Variants in SLC4A10 observed in about 807,000 individuals in gnomAD.
The protein encoded by SLC4A10 is sodium-driven chloride bicarbonate exchanger.
A neutral mutation model predicts 137.7 loss-of-function variants in SLC4A10; 42 were observed. That is an observed-to-expected ratio of 0.30 (90% CI 0.24 to 0.39). The LOEUF (loss-of-function observed/expected upper bound fraction) is 0.39, where lower values mean the gene tolerates loss of function less well. Ranked by LOEUF, SLC4A10 falls within the 10% of genes least tolerant of loss-of-function variation. SLC4A10 has a pLI of 1.00. For missense variants in SLC4A10, 925 were observed against 1,355.0 expected, an observed-to-expected ratio of 0.68 and a Z score of 4.98; for synonymous variants, 474 against 464.1, an observed-to-expected ratio of 1.02 and a Z score of -0.27.
At chr2:161,737,026 AT>A (rs891098178) in intron 1 of SLC4A10, among the ~76,000 whole-genome samples, 93 of 146,154 alleles carry the variant, frequency 6.4e-4, no homozygotes, top group East Asian at 2.8e-3. Flanking sequence ...ATGCCCAGTG[AT>A]TTTTTTTTTT....
chr2:161,846,682 GT>G (rs1198172252), intron 4 of SLC4A10, among the ~76,000 whole-genome samples: 1 of 152,156 alleles, frequency 6.6e-6, no homozygotes, highest in Non-Finnish European at 1.5e-5. Flanking sequence ...TAACTTGAAT[GT>G]ATATCAAGGG....
chr2:161,732,675 G>C (rs1327270494), intron 1 of SLC4A10, among the ~76,000 whole-genome samples: 1 of 152,200 alleles, frequency 6.6e-6, no homozygotes, highest in Non-Finnish European at 1.5e-5. Flanking sequence ...TTGGAACTGG[G>C]TAATAGGTAG....
At chr2:161,897,557 A>G (rs182590952) in intron 11 of SLC4A10, among the ~76,000 whole-genome samples, 55 of 152,282 alleles carry the variant, frequency 3.6e-4, no homozygotes, top group East Asian at 3.3e-3. Flanking sequence ...TAAAGAAACT[A>G]TATGGATACC....
Position 161,900,951 on chromosome 2 carries a change from C to T in SLC4A10, c.1382C>T (p.Ala461Val), listed in dbSNP as rs1469984993. 1.9e-6 allele frequency: 3 copies of T among 1,567,468 alleles called. No individual in the cohort carries two copies. The highest frequency in any genetic ancestry group is 2.6e-6 in the Non-Finnish European group (3 of 1,155,472). The change falls in exon 12 of 27, where the codon GCT becomes GTT. Residue 461 changes from alanine (A) to valine (V), a missense_variant. By Grantham distance (64) the Ala-to-Val change is moderately conservative (BLOSUM62 0). This residue lies in a region of SLC4A10 where 61 missense variants were observed against 59.0 expected (regional missense o/e 1.03). Transcript: ENST00000446997. ...CCTGCTGTACCAAATGGAACAGCAGCTCATGGGGAAGCAGAGCCCCACGGA... is the reference window on the plus strand; with the variant it reads ...CCTGCTGTACCAAATGGAACAGCAGTTCATGGGGAAGCAGAGCCCCACGGA... ...KIPAVPNGTA[A>V]HGEAEPHGGH... is the part of the protein sequence containing the mutation.
intron 1 of SLC4A10, among the ~76,000 whole-genome samples, chr2:161,703,392 T>C (rs2043322393): frequency 6.6e-6 from 1 of 151,694 alleles, no homozygotes; most frequent in Non-Finnish European, 1.5e-5. Context: ...AATGTTAATA[T>C]AATACTTGGT....
chr2:161,715,530 GT>G (rs2044760494), intron 1 of SLC4A10, among the ~76,000 whole-genome samples: 1 of 152,116 alleles, frequency 6.6e-6, no homozygotes, highest in South Asian at 2.1e-4. Context: ...CCCAGTGTGT[GT>G]TTTTCCCCTG....
At chr2:161,973,392 C>T (rs9808497) in intron 23 of SLC4A10, among the ~76,000 whole-genome samples, 123,331 of 152,140 alleles carry the variant, frequency 0.81, 50,182 homozygotes, top group East Asian at 0.97. Flanking sequence ...CCAGAATTTT[C>T]CAGTATGGTG....
At chr2:161,735,582 G>A (rs2125211402) in intron 1 of SLC4A10, among the ~76,000 whole-genome samples, 1 of 152,218 alleles carries the variant, frequency 6.6e-6, no homozygotes, top group Admixed American at 6.5e-5. Flanking sequence ...TGGCATCCAG[G>A]ACAGCTATGA....
chr2:161,738,436 C>T (rs976258579), intron 1 of SLC4A10, among the ~76,000 whole-genome samples: 28 of 152,154 alleles, frequency 1.8e-4, no homozygotes, highest in Admixed American at 1.5e-3. Context: ...GAAAATGTTG[C>T]TCAGAAAATG....
At chr2:161,834,823 T>G (rs2058662902) in intron 3 of SLC4A10, among the ~76,000 whole-genome samples, 1 of 152,134 alleles carries the variant, frequency 6.6e-6, no homozygotes, top group African/African-American at 2.4e-5. Flanking sequence ...CAGATTGGAC[T>G]GACTGTCCCC....
Position 161,657,233 on chromosome 2 carries a change from T to C in SLC4A10, c.48+32667T>C, listed in dbSNP as rs188546605. On this transcript the variant is annotated intron_variant, in intron 1 of 26. Transcript: ENST00000446997. The stretch of plus-strand genomic sequence containing the variant: ...CAAGCTTATTCTCTGAATTTCAGTT[T>C]ATCTATCTGAAAAATAGAGATATAA... Among the ~76,000 whole-genome samples, 13 of 152,200 alleles carry C rather than the reference T, an allele frequency of 8.5e-5. No individual in the cohort carries two copies. In the East Asian group the frequency reaches 2.3e-3, roughly 27 times the overall value.
In SLC4A10 at chr2:161,864,775, A is replaced by G. The variant is rs184113346; in HGVS notation, c.766+1713A>G. 5.8e-3 allele frequency among the ~76,000 whole-genome samples: 877 copies of G among 152,258 alleles called. 17 individuals carry two copies. The highest frequency in any genetic ancestry group is 0.043 in the South Asian group (209 of 4,816). ...TATTCTAAATCACAATTTGCTTTAA[A>G]ATATGTGATACATAAGATAACAAAA... On this transcript the variant is annotated intron_variant, in intron 6 of 26. Transcript: ENST00000446997.
intron 6 of SLC4A10, among the ~76,000 whole-genome samples, chr2:161,866,736 C>T (rs1299981021): frequency 1.3e-5 from 2 of 151,582 alleles, no homozygotes; most frequent in African/African-American, 4.8e-5. Flanking sequence ...AAAAATAAAA[C>T]TTTTAAGGGA....
intron 1 of SLC4A10, among the ~76,000 whole-genome samples, chr2:161,659,707 A>G (rs1451087927): frequency 6.6e-6 from 1 of 152,206 alleles, no homozygotes; most frequent in Non-Finnish European, 1.5e-5. Flanking sequence ...CCTGTAGAAG[A>G]ATGTTCATAA....
At chr2:161,817,878 T>A (rs2057241192) in intron 3 of SLC4A10, among the ~76,000 whole-genome samples, 1 of 151,912 alleles carries the variant, frequency 6.6e-6, no homozygotes, top group South Asian at 2.1e-4. Context: ...TTTTGGTTAC[T>A]GTAGCCTTGT....
At chr2:161,737,608 C>T (rs2047478336) in intron 1 of SLC4A10, among the ~76,000 whole-genome samples, 1 of 152,070 alleles carries the variant, frequency 6.6e-6, no homozygotes, top group South Asian at 2.1e-4. Context: ...GGGCCTAATT[C>T]AGGAGCCCTC....
chr2:161,788,495 G>T (rs1036714521), intron 2 of SLC4A10, among the ~76,000 whole-genome samples: 2 of 152,150 alleles, frequency 1.3e-5, no homozygotes, highest in Middle Eastern at 3.4e-3. Flanking sequence ...ACTGGTCTTG[G>T]TGGTAGGGGC....
In SLC4A10 at chr2:161,793,740, CAGGA is replaced by C. The variant is rs2054461977; in HGVS notation, c.131-10706_131-10703del. ...ATAAGCTTTTGTCTGGTCTCTGGGG[CAGGA>C]AGATTATGAATATTCTTTTGTGCCA... is the stretch of plus-strand genomic sequence containing the variant. On this transcript the variant is annotated intron_variant, in intron 2 of 26. Coordinates refer to ENST00000446997, the MANE Select transcript of SLC4A10 (RefSeq NM_001178015.2). Among the ~76,000 whole-genome samples, 3 of 152,144 alleles carry C rather than the reference CAGGA, an allele frequency of 2.0e-5. No individual in the cohort carries two copies. The South Asian group carries it at 6.2e-4, about 32-fold the overall frequency.
intron 15 of SLC4A10, among the ~76,000 whole-genome samples, chr2:161,914,580 A>G (rs1188585785): frequency 1.3e-5 from 2 of 152,198 alleles, no homozygotes; most frequent in African/African-American, 4.8e-5. Flanking sequence ...AAAGATGATC[A>G]ATAGGAGGCT....
Sources: gnomAD v4.1 joint callset for allele counts (sites outside exome capture counted in the v4.1 genomes callset) on GRCh38, gnomAD v4.1.1 for gene constraint, gnomAD v4.1.1 regional missense constraint, MANE v1.5 for transcripts, NCBI Gene and HGNC (gene_info 2026-07-23, HGNC 2026-07-21) for gene names.